Variants in CENPS observed in about 807,000 individuals in gnomAD.
CENPS encodes the protein centromere protein S.
Under a neutral mutation model 17.9 loss-of-function variants are expected in CENPS, and 16 were observed. That is an observed-to-expected ratio of 0.90 (90% CI 0.61 to 1.36). The LOEUF (loss-of-function observed/expected upper bound fraction) is 1.36. Ranked by LOEUF, CENPS falls within the 40% of genes most tolerant of loss-of-function variation. The probability of loss-of-function intolerance (pLI) is 0.00; values close to 1 mark genes in which losing one functional copy is unlikely to be tolerated. For missense variants in CENPS, 160 were observed against 158.6 expected, an observed-to-expected ratio of 1.01 and a Z score of -0.05; for synonymous variants, 49 against 55.8, an observed-to-expected ratio of 0.88 and a Z score of 0.54.
At chr1:10,442,111 C>T (rs904904148) in intron 4 of CENPS, among the ~76,000 whole-genome samples, 154 bp from the exon 5 acceptor site, 6 of 152,136 alleles carry the variant, frequency 3.9e-5, no homozygotes, top group Admixed American at 1.3e-4. Context: ...ATTGAAGCTG[C>T]GTTTAATTCT....
intron 4 of CENPS, 25 bp from the exon 5 acceptor site, chr1:10,442,240 A>G (rs1223146139): frequency 1.3e-6 from 2 of 1,520,430 alleles, no homozygotes; most frequent in Non-Finnish European, 1.7e-6. Context: ...ACAGCCAGAT[A>G]TAAATACAGA....
chr1:10,441,283 A>G (rs1332481527), intron 4 of CENPS, among the ~76,000 whole-genome samples: 2 of 130,902 alleles, frequency 1.5e-5, no homozygotes, highest in East Asian at 2.2e-4. Context: ...TGGTTTCCCT[A>G]TATGCCAGGA....
intron 3 of CENPS, among the ~76,000 whole-genome samples, chr1:10,435,239 CAATTA>C (rs1640097870): frequency 1.3e-5 from 2 of 152,186 alleles, no homozygotes; most frequent in Non-Finnish European, 1.5e-5. Flanking sequence ...CTCCGCTCTT[CAATTA>C]GTACCGCAGG....
intron 3 of CENPS, among the ~76,000 whole-genome samples, chr1:10,435,657 A>G (rs1418803673): frequency 6.7e-6 from 1 of 149,698 alleles, no homozygotes; most frequent in African/African-American, 2.5e-5. Flanking sequence ...CTTGTTATTT[A>G]TTAGCTGTGG....
At chr1:10,433,283 C>G (rs180696680) in intron 1 of CENPS, among the ~76,000 whole-genome samples, 2 of 152,132 alleles carry the variant, frequency 1.3e-5, no homozygotes, top group African/African-American at 4.8e-5. Context: ...GTGAGGGCCC[C>G]GTGGAGGTGG....
At chr1:10,431,023 C>G in intron 1 of CENPS, 1 of 1,326,148 alleles carries the variant, frequency 7.5e-7, no homozygotes, top group East Asian at 3.3e-5. Context: ...GCGGACCAGT[C>G]AGGCCCAGAG....
chr1:10,430,719 G>A, intron 1 of CENPS, 151 bp downstream of exon 1: 1 of 1,415,062 alleles, frequency 7.1e-7, no homozygotes, highest in Non-Finnish European at 9.2e-7. Context: ...AACTGCCGCG[G>A]GTGGTGCTGG....
At chr1:10,433,217 T>A (rs1190202366) in intron 1 of CENPS, among the ~76,000 whole-genome samples, 1 of 152,144 alleles carries the variant, frequency 6.6e-6, no homozygotes, top group African/African-American at 2.4e-5. Context: ...TCTCGGTAAT[T>A]TTCTGCAAGG....
At position 10,442,252 on chromosome 1, in the gene CENPS, T is replaced by A. The variant is rs755340738; in HGVS notation, c.277-13T>A. 12 of 1,252,302 alleles carry A rather than the reference T, an allele frequency of 9.6e-6. No homozygotes were observed. The African/African-American group carries it at 1.0e-4, about 11-fold the overall frequency. 77.6% of individuals were successfully genotyped at this position (1,252,302 alleles called of 1,614,324 possible). ...GTTACAGCCAGATATAAATACAGAT[T>A]TTTTTTTTATAGCTAAAATACATCA... On this transcript the variant is annotated splice_polypyrimidine_tract_variant and intron_variant, in intron 4 of 4. Coordinates refer to ENST00000309048, the MANE Select transcript of CENPS (RefSeq NM_199294.3).
At position 10,430,569 on chromosome 1, in the gene CENPS, G is replaced by C. The variant is rs763120551; in HGVS notation, c.51+1G>C. On this transcript the variant is annotated splice_donor_variant, in intron 1 of 4. Transcript: ENST00000309048. LOFTEE classifies it high-confidence loss of function. ...GCAGCAGCGATTCTCTTACCAACAGGTACAGGAAAACGGGGGTCGGGCTGG... is the reference window on the plus strand; with the variant it reads ...GCAGCAGCGATTCTCTTACCAACAGCTACAGGAAAACGGGGGTCGGGCTGG... 7.8e-6 allele frequency: 12 copies of C among 1,532,340 alleles called. 1 individual carries two copies. The Middle Eastern group carries it at 1.5e-3, about 193-fold the overall frequency. The allele number at this position is 1,532,340 out of a possible 1,614,324, so 94.9% of individuals were successfully genotyped here.
chr1:10,436,382 A>G (rs1346598744), intron 3 of CENPS, among the ~76,000 whole-genome samples: 1 of 151,708 alleles, frequency 6.6e-6, no homozygotes, highest in Non-Finnish European at 1.5e-5. Flanking sequence ...AAGCTCCACA[A>G]GGAAGGGCGA....
At chr1:10,434,783 T>TAA in intron 3 of CENPS, 93 bp downstream of exon 3, 1 of 1,463,334 alleles carries the variant, frequency 6.8e-7, no homozygotes, top group Non-Finnish European at 9.0e-7. Flanking sequence ...CTTTAGCTAT[T>TAA]CAGTTTTCCG....
intron 3 of CENPS, among the ~76,000 whole-genome samples, chr1:10,438,805 GT>G (rs1640286829): frequency 6.6e-6 from 1 of 152,144 alleles, no homozygotes; most frequent in African/African-American, 2.4e-5. Flanking sequence ...AAACAGATAA[GT>G]TCACTATGTA....
intron 3 of CENPS, among the ~76,000 whole-genome samples, chr1:10,436,257 C>T (rs1003914243): frequency 3.3e-5 from 5 of 151,226 alleles, no homozygotes; most frequent in African/African-American, 4.9e-5. Flanking sequence ...GGATTACAGG[C>T]GTTGAGCCAC....
chr1:10,442,081 T>TA (rs1047791406), intron 4 of CENPS, among the ~76,000 whole-genome samples, 184 bp from the exon 5 acceptor site: 8 of 136,404 alleles, frequency 5.9e-5, no homozygotes, highest in Non-Finnish European at 8.4e-5. Flanking sequence ...ACAAAAAATT[T>TA]AAAAAAAAAG....
intron 1 of CENPS, among the ~76,000 whole-genome samples, chr1:10,431,854 A>AG (rs1203512807): frequency 9.7e-5 from 10 of 102,892 alleles, no homozygotes; most frequent in African/African-American, 3.4e-4. Context: ...ACTCCATCTC[A>AG]GAAAAAAAAA....
chr1:10,440,312 A>T (rs761253707), intron 3 of CENPS, 35 bp from the exon 4 acceptor site: 2 of 1,609,052 alleles, frequency 1.2e-6, no homozygotes, highest in African/African-American at 2.7e-5. Flanking sequence ...AATAATACCA[A>T]ACATTTTGGT....
chr1:10,433,051 AT>A (rs1418129277), intron 1 of CENPS, among the ~76,000 whole-genome samples: 1 of 152,000 alleles, frequency 6.6e-6, no homozygotes, highest in Non-Finnish European at 1.5e-5. Flanking sequence ...TTGCTGGTAG[AT>A]TTTATGCCCT....
intron 3 of CENPS, among the ~76,000 whole-genome samples, chr1:10,439,352 A>G (rs776616251): frequency 6.6e-6 from 1 of 152,182 alleles, no homozygotes; most frequent in South Asian, 2.1e-4. Context: ...ATATTATTGA[A>G]TCGAGCTTAT....
Sources: gnomAD v4.1 joint callset for allele counts (sites outside exome capture counted in the v4.1 genomes callset) on GRCh38, gnomAD v4.1.1 for gene constraint, MANE v1.5 for transcripts, NCBI Gene and HGNC (gene_info 2026-07-23, HGNC 2026-07-21) for gene names.